Variants in INTS6 observed in about 807,000 individuals in gnomAD.
The protein encoded by INTS6 is integrator complex subunit 6, also known as DEAD box protein.
INTS6 carries 16 observed loss-of-function variants against 104.9 expected under a neutral mutation model. The observed-to-expected ratio is 0.15, with a 90% CI of 0.10 to 0.23. INTS6 has a LOEUF of 0.23. Among genes scored for constraint, INTS6 ranks in the 10% least tolerant of loss-of-function variants. The pLI is 1.00. For synonymous variants in INTS6, 324 were observed against 358.7 expected (o/e 0.90, Z 1.09); for missense variants, 584 against 1,062.8 (o/e 0.55, Z 6.26).
intron 3 of INTS6, chr13:51,447,733 G>GAAAAAAAAAAAA (rs940260743): frequency 1.8e-5 from 1 of 55,462 alleles, no homozygotes; most frequent in African/African-American, 7.4e-5. Context: ...ATAATTTACT[G>GAAAAAAAAAAAA]AAAAAAAAAA....
At chr13:51,450,540 G>C in intron 3 of INTS6, 1 of 985,308 alleles carries the variant, frequency 1.0e-6, no homozygotes, top group East Asian at 1.1e-4. Flanking sequence ...CTCAGCCAGT[G>C]ACTGTACTCC....
intron 4 of INTS6, among the ~76,000 whole-genome samples, chr13:51,408,142 A>G (rs551265691): frequency 6.7e-6 from 1 of 150,088 alleles, no homozygotes; most frequent in South Asian, 2.1e-4. Flanking sequence ...AACCATTGAG[A>G]TGGGTTTTTT....
At chr13:51,342,178 C>CAAAAA in the INTS6 span, among the ~76,000 whole-genome samples, 372 of 59,696 alleles carry the variant, frequency 6.2e-3, no homozygotes, top group East Asian at 0.011. Flanking sequence ...AAAGACAGAA[C>CAAAAA]AAAAAAAAAA....
chr13:51,374,475 C>A (rs1475127602), intron 14 of INTS6, 36 bp from the exon 15 acceptor site: 2 of 1,526,768 alleles, frequency 1.3e-6, no homozygotes, highest in South Asian at 1.1e-5. Flanking sequence ...CTTGAATTTA[C>A]AAACAATGTT....
chr13:51,370,788 C>A (rs182623458), intron 15 of INTS6, among the ~76,000 whole-genome samples: 2 of 152,240 alleles, frequency 1.3e-5, no homozygotes. Context: ...TTCATTTAAC[C>A]CAAAACAAAG....
At chr13:51,429,782 AAAAATATAT>A (rs1709686273) in intron 4 of INTS6, among the ~76,000 whole-genome samples, 1 of 130,620 alleles carries the variant, frequency 7.7e-6, no homozygotes, top group African/African-American at 3.2e-5. Context: ...AAAAAAAAAA[AAAAATATAT>A]ATATATATAT....
chr13:51,448,588 T>C (rs893343978), intron 3 of INTS6: 1 of 152,204 alleles, frequency 6.6e-6, no homozygotes, highest in African/African-American at 2.4e-5. Flanking sequence ...AAATGCAATA[T>C]AGATTTAATA....
Position 51,361,937 on chromosome 13 carries a change from T to C in INTS6, c.*3815A>G. On this transcript the variant is annotated 3_prime_UTR_variant, in exon 18 of 18. Coordinates refer to ENST00000311234, the MANE Select transcript of INTS6 (RefSeq NM_012141.3). Reference sequence around the variant, plus strand: ...ACAGGATTCAGATAATTTATCAGTGTCTCTCTAGCAACAAGGGCTCATTTG... The same window carrying C: ...ACAGGATTCAGATAATTTATCAGTGCCTCTCTAGCAACAAGGGCTCATTTG... 7 of 1,611,998 alleles carry C rather than the reference T, an allele frequency of 4.3e-6. No homozygotes were observed. The highest frequency in any genetic ancestry group is 5.9e-6 in the Non-Finnish European group (7 of 1,178,700).
chr13:51,408,571 T>C (rs575966602), intron 4 of INTS6, among the ~76,000 whole-genome samples: 5 of 152,220 alleles, frequency 3.3e-5, no homozygotes, highest in Non-Finnish European at 5.9e-5. Context: ...TGAGAGCACT[T>C]AATGCCTCAA....
the INTS6 span, chr13:51,348,075 A>C: frequency 7.7e-6 from 5 of 650,656 alleles, no homozygotes; most frequent in Non-Finnish European, 1.3e-5. Flanking sequence ...CTTTGGCCTG[A>C]AACCGCCTCC....
the INTS6 span, chr13:51,344,584 T>C: frequency 1.1e-6 from 1 of 898,466 alleles, no homozygotes; most frequent in Non-Finnish European, 1.8e-6. Flanking sequence ...TCAGGCCACC[T>C]TCAATTACAG....
the INTS6 span, among the ~76,000 whole-genome samples, chr13:51,335,198 C>G: frequency 6.6e-6 from 1 of 151,808 alleles, no homozygotes; most frequent in Non-Finnish European, 1.5e-5. Context: ...CAACAAAAGA[C>G]ATCATGAAGA....
At chr13:51,346,918 C>T in the INTS6 span, 2 of 753,648 alleles carry the variant, frequency 2.7e-6, no homozygotes, top group Admixed American at 4.3e-5. Context: ...GCAAAAAGAC[C>T]TGCATTTTCG....
At chr13:51,429,816 T>C (rs1189564434) in intron 4 of INTS6, among the ~76,000 whole-genome samples, 3 of 112,950 alleles carry the variant, frequency 2.7e-5, no homozygotes, top group Non-Finnish European at 5.5e-5. Context: ...ATATGTATAA[T>C]ACATTTGACT....
At chr13:51,419,753 G>C (rs1593739305) in intron 4 of INTS6, among the ~76,000 whole-genome samples, 1 of 152,208 alleles carries the variant, frequency 6.6e-6, no homozygotes, top group Non-Finnish European at 1.5e-5. Flanking sequence ...CTCTCTACTA[G>C]TGGTGTTCTA....
the INTS6 span, among the ~76,000 whole-genome samples, chr13:51,346,091 G>A: frequency 6.6e-6 from 1 of 152,204 alleles, no homozygotes; most frequent in African/African-American, 2.4e-5. Context: ...GAACTGTTAG[G>A]AGGAGTCGGT....
At chr13:51,387,747 C>T (rs534752280) in intron 6 of INTS6, among the ~76,000 whole-genome samples, 16 of 152,104 alleles carry the variant, frequency 1.1e-4, no homozygotes, top group Admixed American at 1.0e-3. Flanking sequence ...GTACAAATTC[C>T]AACTATGAGT....
the INTS6 span, among the ~76,000 whole-genome samples, chr13:51,338,320 C>A: frequency 6.6e-6 from 1 of 152,180 alleles, no homozygotes; most frequent in Non-Finnish European, 1.5e-5. Context: ...AGGCAGTGAG[C>A]AAGACTCTAA....
At chr13:51,422,490 C>A (rs1161003923) in intron 4 of INTS6, among the ~76,000 whole-genome samples, 1 of 152,116 alleles carries the variant, frequency 6.6e-6, no homozygotes, top group Admixed American at 6.6e-5. Flanking sequence ...TCTTACAAAT[C>A]ATCTTTGAAA....
Sources: allele counts gnomAD v4.1 joint callset (sites outside exome capture counted in the v4.1 genomes callset), GRCh38; gene constraint gnomAD v4.1.1; transcripts MANE v1.5; gene names NCBI Gene and HGNC (gene_info 2026-07-23, HGNC 2026-07-21).